The following PRX variants were observed in gnomAD, a reference collection of about 807,000 sequenced individuals.
The protein encoded by PRX is periaxin.
A neutral mutation model predicts 29.6 loss-of-function variants in PRX; 24 were observed. The observed-to-expected ratio is 0.81, with a 90% CI of 0.59 to 1.14. PRX has a LOEUF of 1.14. PRX is among the 50% of genes most tolerant of loss of function. The pLI, the probability that PRX is intolerant of heterozygous loss-of-function variation, is 0.00. For synonymous variants in PRX, 772 were observed against 831.7 expected (o/e 0.93, Z 1.24); for missense variants, 1,838 against 1,926.4 (o/e 0.95, Z 0.86).
At chr19:40,412,258 C>T (rs268666) in intron 1 of PRX, among the ~76,000 whole-genome samples, 87,019 of 151,966 alleles carry the variant, frequency 0.57, 26,706 homozygotes, top group African/African-American at 0.79. Flanking sequence ...TATCTGAGGC[C>T]ACCTAGGGGG....
chr19:40,394,254 C>A lies in PRX; in HGVS notation c.4098G>T (p.Gly1366=). ...EEEEEEGSGE[G]ASGRRGRVRV... is the part of the protein sequence containing the mutation. ...GGACCCGGCCCCGGCGACCCGAGGC[C>A]CCTTCCCCACTGCCCTCTTCCTCCT... The change falls in exon 7 of 7, where the codon GGG becomes GGT. Residue 1366 remains glycine (G), a synonymous_variant. Coordinates refer to ENST00000324001, the MANE Select transcript of PRX (RefSeq NM_181882.3). The surrounding 1 kb of genome is among the most constrained non-coding windows in gnomAD (Gnocchi z 5.8). The A allele has an allele frequency of 1.2e-6, 2 of 1,609,552 alleles. No homozygotes were observed. The highest frequency in any genetic ancestry group is 1.3e-5 in the African/African-American group (1 of 74,918).
In PRX at chr19:40,407,914, T is replaced by C; in HGVS notation, c.19A>G (p.Ser7Gly). ...GACACGTGGGCACTCACCTCGGCACTCCGGCTCCTGGCCTCCATGGCGTTG... is the reference window on the plus strand; with the variant it reads ...GACACGTGGGCACTCACCTCGGCACCCCGGCTCCTGGCCTCCATGGCGTTG... Reference protein sequence around the residue: MEARSRSAEELRRAELV... With the variant: MEARSRGAEELRRAELV... The change falls in exon 4 of 7, where the codon AGT becomes GGT. Residue 7 changes from serine to glycine, a missense_variant. Coordinates refer to ENST00000324001, the MANE Select transcript of PRX (RefSeq NM_181882.3). 3 of 1,613,698 alleles carry C rather than the reference T, an allele frequency of 1.9e-6. No homozygotes were observed. The highest frequency in any genetic ancestry group is 2.5e-6 in the Non-Finnish European group (3 of 1,180,034).
rs2079459199 is a variant in PRX, at chr19:40,397,946, T to C, written c.406A>G (p.Lys136Glu). The C allele has an allele frequency of 5.0e-6, 8 of 1,611,806 alleles. No individual in the cohort carries two copies. The highest frequency in any genetic ancestry group is 6.8e-6 in the Non-Finnish European group (8 of 1,179,130). ...GCCCCAGGCACCATCTTCTTCTTCT[T>C]CACAGGGGACAGACTCTGGATGTTC... ...KLNIQSLSPV[K>E]KKKMVPGALG... The change falls in exon 7 of 7, where the codon AAG (lysine) becomes GAG (glutamate). Residue 136 changes from lysine to glutamate, a missense_variant. This residue lies in a region of PRX where 666 missense variants were observed against 665.0 expected (regional missense o/e 1.00). Transcript: ENST00000324001.
At chr19:40,407,617 A>T in intron 4 of PRX, 1 of 566,502 alleles carries the variant, frequency 1.8e-6, no homozygotes, top group Non-Finnish European at 3.2e-6. Context: ...GCCTCTTCTG[A>T]TGAAGGGTTT....
chr19:40,399,862 T>TCTTC (rs2079477206), intron 5 of PRX, among the ~76,000 whole-genome samples: 1 of 62,814 alleles, frequency 1.6e-5, no homozygotes, highest in Non-Finnish European at 3.3e-5. Context: ...TTTCTTTCTT[T>TCTTC]CTTTCTTTCT....
chr19:40,408,036 G>A lies in PRX; in HGVS notation c.-99-5C>T, dbSNP rs1664216276. The A allele has an allele frequency of 6.6e-7, 1 of 1,513,868 alleles. No individual in the cohort carries two copies. The highest frequency in any genetic ancestry group is 1.8e-5 in the Admixed American group (1 of 56,616). 93.8% of individuals were successfully genotyped at this position (1,513,868 alleles called of 1,614,324 possible). A position where few individuals can be genotyped will look rare whatever the true frequency, so the allele number is the denominator to read the frequency against. On this transcript the variant is annotated splice_polypyrimidine_tract_variant and splice_region_variant and intron_variant, in intron 3 of 6. Coordinates refer to ENST00000324001, the MANE Select transcript of PRX (RefSeq NM_181882.3). The stretch of plus-strand genomic sequence containing the variant: ...ATGGAGCAGCTGCCTCTGAGCCTGT[G>A]GGAGGACAGCAGTGGAGGCTTGAGG...
chr19:40,403,617 G>T, intron 5 of PRX, 89 bp downstream of exon 5: 1 of 1,401,574 alleles, frequency 7.1e-7, no homozygotes, highest in South Asian at 1.4e-5. Context: ...CCCATCCCCC[G>T]GTCAGTTTCA....
chr19:40,408,812 TG>T (rs2079544686), intron 1 of PRX, among the ~76,000 whole-genome samples: 1 of 134,122 alleles, frequency 7.5e-6, no homozygotes, highest in Non-Finnish European at 1.5e-5. Flanking sequence ...TTGTTGTTGT[TG>T]GTGGTGTGTG....
intron 4 of PRX, 146 bp from the exon 5 acceptor site, chr19:40,404,008 C>T: frequency 1.0e-6 from 1 of 977,166 alleles, no homozygotes. Context: ...GCCACACTGC[C>T]CAGGCTGGTC....
At chr19:40,402,097 A>G (rs940229229) in intron 5 of PRX, among the ~76,000 whole-genome samples, 23 of 152,250 alleles carry the variant, frequency 1.5e-4, no homozygotes, top group Non-Finnish European at 2.4e-4. Context: ...TCACGCCTGT[A>G]ATCCCAGCAC....
chr19:40,399,089 T>G (rs2079470249), intron 5 of PRX, among the ~76,000 whole-genome samples: 3 of 152,178 alleles, frequency 2.0e-5, no homozygotes, highest in Admixed American at 2.0e-4. Context: ...TGACTTTGCT[T>G]CTTTTACCGA....
intron 1 of PRX, among the ~76,000 whole-genome samples, chr19:40,412,899 T>G (rs537555021): frequency 1.4e-4 from 22 of 152,212 alleles, no homozygotes; most frequent in South Asian, 8.3e-4. Flanking sequence ...AAAATTTTTT[T>G]TTGTTTTGTA....
At chr19:40,411,967 A>G (rs2079560412) in intron 1 of PRX, among the ~76,000 whole-genome samples, 2 of 152,198 alleles carry the variant, frequency 1.3e-5, no homozygotes, top group Non-Finnish European at 2.9e-5. Flanking sequence ...TTGGCTCCTT[A>G]AATCTTTGTA....
At position 40,396,573 on chromosome 19, in the gene PRX, C is replaced by A. The variant is rs1351611390; in HGVS notation, c.1779G>T (p.Met593Ile). ...PEMKLPKVPE[M>I]KLPEMKLPEV... is the part of the protein sequence containing the mutation. The stretch of plus-strand genomic sequence containing the variant: ...CAGGGAGTTTCATCTCAGGAAGTTT[C>A]ATCTCAGGCACCTTTGGAAGCTTCA... The change falls in exon 7 of 7, where the codon ATG (methionine) becomes ATT (isoleucine). Residue 593 changes from methionine to isoleucine, a missense_variant. Met to Ile is a conservative substitution (Grantham distance 10). Transcript: ENST00000324001. 1.2e-6 allele frequency: 2 copies of A among 1,613,332 alleles called. No individual in the cohort carries two copies. The highest frequency in any genetic ancestry group is 2.2e-5 in the South Asian group (2 of 91,028).
chr19:40,400,174 G>A (rs1049031948), intron 5 of PRX, among the ~76,000 whole-genome samples: 2 of 150,302 alleles, frequency 1.3e-5, no homozygotes, highest in African/African-American at 4.9e-5. Context: ...TAGAGACGGG[G>A]TTTCTCCATG....
At position 40,398,499 on chromosome 19, in the gene PRX, G is replaced by A; in HGVS notation, c.381+121C>T. On this transcript the variant is annotated intron_variant, in intron 6 of 6. Coordinates refer to ENST00000324001, the MANE Select transcript of PRX (RefSeq NM_181882.3). This position sits in a 1 kb window ranked among gnomAD's most constrained non-coding sequence, Gnocchi z 6.3. Reference sequence around the variant, plus strand: ...GAGGAAGGGGCAGAGGGTGGAATTAGCTTGGGTTAGTGACAAGACAGAGGG... The same window carrying A: ...GAGGAAGGGGCAGAGGGTGGAATTAACTTGGGTTAGTGACAAGACAGAGGG... The A allele has an allele frequency of 3.2e-6, 5 of 1,560,138 alleles. No individual in the cohort carries two copies. The highest frequency in any genetic ancestry group is 4.3e-6 in the Non-Finnish European group (5 of 1,155,914).
Position 40,394,169 on chromosome 19 carries a change from C to T in PRX, c.4183G>A (p.Gly1395Ser). 6.3e-7 allele frequency: 1 copy of T among 1,587,332 alleles called. No individual in the cohort carries two copies. ...ACGGGGGACTTGGGGGCTGCATCGCCCTCCTGCCCCCGAGAGGCTTTAGAA... is the reference window on the plus strand; with the variant it reads ...ACGGGGGACTTGGGGGCTGCATCGCTCTCCTGCCCCCGAGAGGCTTTAGAA... ...APSKASRGQEGDAAPKSPVRE... is the reference protein window; with the variant it reads ...APSKASRGQESDAAPKSPVRE... Residue 1395 changes from glycine to serine, a missense_variant, in exon 7 of 7, where the codon GGC (glycine) becomes AGC (serine). Around this residue, in one of 3 missense-constraint regions of PRX, gnomAD observed 1,143 missense variants for 1,193.0 expected, o/e 0.96. Transcript: ENST00000324001. The surrounding 1 kb of genome is among the most constrained non-coding windows in gnomAD (Gnocchi z 5.8).
Position 40,403,786 on chromosome 19 carries a change from G to T in PRX, c.104C>A (p.Ala35Glu), listed in dbSNP as rs138047753. ...AQTGVSGINV[A>E]GGGKEGIFVR... ...GAAGATTCCCTCTTTGCCGCCGCCC[G>T]CTACGTTGATGCCGCTGACCCCGGT... is the stretch of plus-strand genomic sequence containing the variant. The change falls in exon 5 of 7, where the codon GCG becomes GAG. Residue 35 changes from alanine (A) to glutamate (E), a missense_variant. This residue lies in a region of PRX where 666 missense variants were observed against 665.0 expected (regional missense o/e 1.00). Coordinates refer to ENST00000324001, the MANE Select transcript of PRX (RefSeq NM_181882.3). The T allele has an allele frequency of 1.3e-4, 206 of 1,606,210 alleles. No individual in the cohort carries two copies. Among genetic ancestry groups the T allele is most frequent in the Non-Finnish European group, 1.6e-4 (189 of 1,177,414 alleles).
At position 40,393,790 on chromosome 19, in the gene PRX, C is replaced by T; in HGVS notation, c.*176G>A. 3.3e-6 allele frequency: 3 copies of T among 906,278 alleles called. No individual in the cohort carries two copies. Among genetic ancestry groups the T allele is most frequent in the Non-Finnish European group, 5.0e-6 (3 of 599,614 alleles). 56.1% of individuals were successfully genotyped at this position (906,278 alleles called of 1,614,324 possible). A position where few individuals can be genotyped will look rare whatever the true frequency, so the allele number is the denominator to read the frequency against. ...GGCTACTTCCAGATTATTTTATTCA[C>T]ATGGCTTGGTGGGGTACAGGCACTC... On this transcript the variant is annotated 3_prime_UTR_variant, in exon 7 of 7. Coordinates refer to ENST00000324001, the MANE Select transcript of PRX (RefSeq NM_181882.3).
Sources: gnomAD v4.1 joint callset for allele counts (sites outside exome capture counted in the v4.1 genomes callset) on GRCh38, gnomAD v4.1.1 for gene constraint, gnomAD v4.1.1 regional missense constraint, Gnocchi (gnomAD v3.1) non-coding constraint, MANE v1.5 for transcripts, NCBI Gene and HGNC (gene_info 2026-07-23, HGNC 2026-07-21) for gene names.